The following FAM13B variants were observed in gnomAD, a reference collection of about 807,000 sequenced individuals.
FAM13B encodes the protein family with sequence similarity 13 member B, also known as protein FAM13B.
A neutral mutation model predicts 117.3 loss-of-function variants in FAM13B; 60 were observed. That is an observed-to-expected ratio of 0.51 (90% CI 0.42 to 0.63). FAM13B has a LOEUF of 0.63. Ranked by LOEUF, FAM13B falls within the 30% of genes least tolerant of loss-of-function variation. The pLI is 0.00. For synonymous variants in FAM13B, 332 were observed against 356.1 expected, an observed-to-expected ratio of 0.93 and a Z score of 0.76; for missense variants, 972 against 1,091.9, an observed-to-expected ratio of 0.89 and a Z score of 1.55.
chr5:137,973,421 A>G (rs1052702540), intron 10 of FAM13B, among the ~76,000 whole-genome samples: 1 of 152,080 alleles, frequency 6.6e-6, no homozygotes, highest in Non-Finnish European at 1.5e-5. Flanking sequence ...GAAAGCTGAA[A>G]CTGGATCCCT....
chr5:138,009,981 TTTTG>T (rs1039797930), intron 6 of FAM13B, among the ~76,000 whole-genome samples: 6 of 151,972 alleles, frequency 3.9e-5, no homozygotes, highest in East Asian at 1.9e-4. Context: ...ATTTCAACAT[TTTTG>T]TTTGTTTGTT....
chr5:137,989,489 T>C (rs920517361), intron 7 of FAM13B, among the ~76,000 whole-genome samples: 1 of 152,194 alleles, frequency 6.6e-6, no homozygotes, highest in African/African-American at 2.4e-5. Context: ...AAGGCCTTCA[T>C]GCTGATCGTC....
At chr5:137,958,902 G>A (rs757358743) in intron 13 of FAM13B, among the ~76,000 whole-genome samples, 12 of 151,914 alleles carry the variant, frequency 7.9e-5, no homozygotes, top group Non-Finnish European at 1.5e-4. Context: ...TAAACTGCAG[G>A]TATCAGTAAA....
At chr5:137,975,959 A>G (rs1366910013) in intron 10 of FAM13B, among the ~76,000 whole-genome samples, 2 of 146,382 alleles carry the variant, frequency 1.4e-5, no homozygotes, top group African/African-American at 5.1e-5. Context: ...TCTCTTCCAC[A>G]ACCAGACTGC....
At chr5:137,987,328 T>A (rs1777490856) in intron 9 of FAM13B, 133 bp downstream of exon 9, 2 of 737,634 alleles carry the variant, frequency 2.7e-6, no homozygotes, top group Admixed American at 3.0e-5. Context: ...CAAGTATATA[T>A]ACAAAGTCAC....
Position 137,954,206 on chromosome 5 carries a change from C to G in FAM13B, c.1678G>C (p.Glu560Gln), listed in dbSNP as rs1765797018. ...GCTTTAGATGAGGAATCCAACTTTTCTGGATCATGTAGGAAACGCTGGCTT... is the reference window on the plus strand; with the variant it reads ...GCTTTAGATGAGGAATCCAACTTTTGTGGATCATGTAGGAAACGCTGGCTT... Reference protein sequence around the residue: ...GQSQRFLHDPEKLDSSSKALS... With the variant: ...GQSQRFLHDPQKLDSSSKALS... The change falls in exon 15 of 24, where the codon GAA (glutamate) becomes CAA (glutamine). Residue 560 changes from glutamate (E) to glutamine (Q), a missense_variant. Physicochemically the swap from Glu to Gln is conservative, Grantham distance 29. Coordinates refer to ENST00000689681, the MANE Select transcript of FAM13B (RefSeq NM_001385994.1). The G allele has an allele frequency of 6.2e-7, 1 of 1,614,008 alleles. No homozygotes were observed. Among genetic ancestry groups the G allele is most frequent in the South Asian group, 1.1e-5 (1 of 91,080 alleles).
intron 1 of FAM13B, among the ~76,000 whole-genome samples, chr5:138,042,820 G>C (rs576804447): frequency 6.6e-6 from 1 of 152,126 alleles, no homozygotes; most frequent in African/African-American, 2.4e-5. Context: ...GGCCAGGCGC[G>C]GTGGGTCATG....
upstream of FAM13B, chr5:138,036,118 T>C (rs1791132514): frequency 3.0e-6 from 1 of 331,962 alleles, no homozygotes. Flanking sequence ...GGTTGTGCAC[T>C]CCGTACCCTA....
intron 2 of FAM13B, 70 bp downstream of exon 2, chr5:138,020,961 C>T: frequency 5.7e-6 from 6 of 1,051,712 alleles, no homozygotes; most frequent in Non-Finnish European, 6.1e-6. Context: ...CAAATAGCAG[C>T]TACAGGGGCA....
intron 6 of FAM13B, among the ~76,000 whole-genome samples, chr5:138,010,085 A>G (rs189201576): frequency 0.011 from 1,726 of 152,036 alleles, 28 homozygotes; most frequent in African/African-American, 0.04. Flanking sequence ...GGTTCAAGCA[A>G]TTCTCCTGCC....
At chr5:138,005,244 T>A (rs1023627896) in intron 7 of FAM13B, among the ~76,000 whole-genome samples, 2 of 152,070 alleles carry the variant, frequency 1.3e-5, no homozygotes, top group African/African-American at 4.8e-5. Flanking sequence ...TCTCAAAAAA[T>A]AGTAATAAAT....
intron 10 of FAM13B, among the ~76,000 whole-genome samples, chr5:137,981,329 T>A (rs1209869609): frequency 1.3e-5 from 2 of 151,916 alleles, no homozygotes; most frequent in Admixed American, 1.3e-4. Context: ...ATGCTTGTAA[T>A]CCCAACACTT....
chr5:137,982,019 A>C (rs1581166129), intron 10 of FAM13B, among the ~76,000 whole-genome samples: 1 of 152,226 alleles, frequency 6.6e-6, no homozygotes, highest in South Asian at 2.1e-4. Flanking sequence ...CCTGACTATC[A>C]CAGCCAATAT....
At chr5:137,971,218 T>A (rs957059148) in intron 10 of FAM13B, among the ~76,000 whole-genome samples, 5 of 149,936 alleles carry the variant, frequency 3.3e-5, no homozygotes, top group Middle Eastern at 3.4e-3. Flanking sequence ...GAAGTAAAGC[T>A]CTCCTCAGCA....
At chr5:137,972,376 T>C (rs1405103353) in intron 10 of FAM13B, among the ~76,000 whole-genome samples, 17 of 152,222 alleles carry the variant, frequency 1.1e-4, no homozygotes, top group African/African-American at 4.1e-4. Flanking sequence ...ATTATCTCAA[T>C]AGATGCAGAA....
chr5:138,007,023 T>C lies in FAM13B; in HGVS notation c.815A>G (p.Asn272Ser). ...PEVVQLRMTE[N>S]ILESNSVTAT... is the part of the protein sequence containing the mutation. ...CGTAACACTATTTGATTCCAGGATGTTTTCAGTCATCCTTAATTGTACCAC... is the reference window on the plus strand; with the variant it reads ...CGTAACACTATTTGATTCCAGGATGCTTTCAGTCATCCTTAATTGTACCAC... Residue 272 changes from asparagine (N) to serine (S), a missense_variant, in exon 7 of 24, where the codon AAC becomes AGC. Transcript: ENST00000689681. The C allele has an allele frequency of 6.2e-7, 1 of 1,610,714 alleles. No individual in the cohort carries two copies. The highest frequency in any genetic ancestry group is 8.5e-7 in the Non-Finnish European group (1 of 1,179,252).
intron 7 of FAM13B, among the ~76,000 whole-genome samples, chr5:137,990,012 A>T (rs1778215820): frequency 6.6e-6 from 1 of 152,230 alleles, no homozygotes; most frequent in Admixed American, 6.5e-5. Context: ...AAAAACAAAA[A>T]GTAAAAAGAT....
intron 1 of FAM13B, among the ~76,000 whole-genome samples, chr5:138,041,204 A>G (rs1382531951): frequency 6.6e-6 from 1 of 152,238 alleles, no homozygotes; most frequent in Admixed American, 6.5e-5. Flanking sequence ...GAAAATTACC[A>G]TCTTCCAGAA....
intron 1 of FAM13B, among the ~76,000 whole-genome samples, chr5:138,023,972 T>C (rs1480659654): frequency 1.3e-5 from 2 of 152,182 alleles, no homozygotes; most frequent in Non-Finnish European, 2.9e-5. Flanking sequence ...ACTTGGGACT[T>C]GTATCTAGAG....
Sources: gnomAD v4.1 joint callset for allele counts (sites outside exome capture counted in the v4.1 genomes callset) on GRCh38, gnomAD v4.1.1 for gene constraint, MANE v1.5 for transcripts, NCBI Gene and HGNC (gene_info 2026-07-23, HGNC 2026-07-21) for gene names.